Variants in ZNF236 observed in about 807,000 individuals in gnomAD.
ZNF236 encodes the protein regulated by glucose.
A neutral mutation model predicts 191.2 loss-of-function variants in ZNF236; 50 were observed. That is an observed-to-expected ratio of 0.26 (90% CI 0.21 to 0.33). The LOEUF (loss-of-function observed/expected upper bound fraction) is 0.33, where lower values mean the gene tolerates loss of function less well. ZNF236 is among the 10% of genes least tolerant of loss of function. The pLI, the probability that ZNF236 is intolerant of heterozygous loss-of-function variation, is 1.00. For missense variants in ZNF236, 1,754 were observed against 2,374.5 expected (o/e 0.74, Z 5.43); for synonymous variants, 907 against 928.8 (o/e 0.98, Z 0.43).
intron 25 of ZNF236, among the ~76,000 whole-genome samples, chr18:76,933,023 G>T (rs186544139): frequency 3.2e-4 from 48 of 152,354 alleles, no homozygotes; most frequent in Admixed American, 3.1e-3. Context: ...TCACACTCAG[G>T]TGAGGGTCCT....
At chr18:76,855,070 C>T (rs1429659131) in intron 3 of ZNF236, among the ~76,000 whole-genome samples, 2 of 152,026 alleles carry the variant, frequency 1.3e-5, no homozygotes, top group South Asian at 2.1e-4. Context: ...GGATTACAGG[C>T]GCCCCACCAT....
intron 9 of ZNF236, chr18:76,885,243 A>G (rs1347605865): frequency 1.3e-5 from 2 of 152,328 alleles, no homozygotes; most frequent in Non-Finnish European, 2.9e-5. Context: ...GCTGCATCGG[A>G]GATGCACTGT....
At chr18:76,913,706 A>T in intron 17 of ZNF236, 41 bp from the exon 18 acceptor site, 1 of 1,595,258 alleles carries the variant, frequency 6.3e-7, no homozygotes, top group Non-Finnish European at 8.6e-7. Flanking sequence ...TAATTGTGCT[A>T]TGAATTAACG....
intron 27 of ZNF236, among the ~76,000 whole-genome samples, chr18:76,952,786 A>G (rs1300242708): frequency 6.6e-6 from 1 of 152,228 alleles, no homozygotes; most frequent in Non-Finnish European, 1.5e-5. Context: ...AACCTGGGTA[A>G]CAGAGCAAGT....
At chr18:76,905,810 T>C (rs1977725279) in intron 13 of ZNF236, among the ~76,000 whole-genome samples, 1 of 152,226 alleles carries the variant, frequency 6.6e-6, no homozygotes, top group Non-Finnish European at 1.5e-5. Flanking sequence ...ATCTGAATGG[T>C]AATTATTCTA....
intron 4 of ZNF236, among the ~76,000 whole-genome samples, chr18:76,870,431 A>ATGTT (rs2122601049): frequency 6.6e-6 from 1 of 152,284 alleles, no homozygotes; most frequent in African/African-American, 2.4e-5. Context: ...ATGATTGAAG[A>ATGTT]TGTTTAGGTG....
chr18:76,963,637 CA>C lies in ZNF236; in HGVS notation c.5419+2786del, dbSNP rs376158433. On this transcript the variant is annotated intron_variant, in intron 30 of 30. Coordinates refer to ENST00000320610, the MANE Select transcript of ZNF236 (RefSeq NM_001306089.2). ...TTTTCTCTGTCTTGTGGAATAGTGTCAAAAGGATTGGTACCAATTCTCCTTT... is the reference window on the plus strand; with the variant it reads ...TTTTCTCTGTCTTGTGGAATAGTGTCAAAGGATTGGTACCAATTCTCCTTT... Among the ~76,000 whole-genome samples, 764 of 152,238 alleles carry C rather than the reference CA, an allele frequency of 5.0e-3. 6 individuals are homozygous for C. Among genetic ancestry groups the C allele is most frequent in the African/African-American group, 0.017 (717 of 41,546 alleles).
At chr18:76,909,361 T>C (rs552542032) in intron 14 of ZNF236, among the ~76,000 whole-genome samples, 2 of 151,548 alleles carry the variant, frequency 1.3e-5, no homozygotes, top group Admixed American at 1.3e-4. Flanking sequence ...GACCTTGCAG[T>C]GCATACTATT....
intron 9 of ZNF236, among the ~76,000 whole-genome samples, chr18:76,894,212 A>G (rs1977330087): frequency 6.6e-6 from 1 of 152,260 alleles, no homozygotes; most frequent in Admixed American, 6.5e-5. Context: ...AAAATTCCAG[A>G]AATAAACAAT....
At chr18:76,847,855 T>G (rs942206044) in intron 1 of ZNF236, among the ~76,000 whole-genome samples, 4 of 152,212 alleles carry the variant, frequency 2.6e-5, no homozygotes, top group African/African-American at 4.8e-5. Context: ...GGAAGTATGG[T>G]CTTTGAACAG....
rs776594053 is a variant in ZNF236, at chr18:76,875,470, G to C, written c.668-22G>C. Reference sequence around the variant, plus strand: ...CCCATACAATATGGAATTATATTTTGATCATTTTTCTCCCACTCTAGGTGA... The same window carrying C: ...CCCATACAATATGGAATTATATTTTCATCATTTTTCTCCCACTCTAGGTGA... On this transcript the variant is annotated intron_variant, in intron 5 of 30. Transcript: ENST00000320610. The surrounding 1 kb of genome is among the most constrained non-coding windows in gnomAD (Gnocchi z 4.3). The C allele has an allele frequency of 8.8e-6, 13 of 1,480,298 alleles. No homozygotes were observed. The highest frequency in any genetic ancestry group is 1.2e-5 in the Non-Finnish European group (13 of 1,107,436). The allele number at this position is 1,480,298 out of a possible 1,614,324, so 91.7% of individuals were successfully genotyped here. A position where few individuals can be genotyped will look rare whatever the true frequency, so the allele number is the denominator to read the frequency against.
chr18:76,881,749 G>A (rs1976908689), intron 9 of ZNF236, among the ~76,000 whole-genome samples: 1 of 152,098 alleles, frequency 6.6e-6, no homozygotes, highest in East Asian at 1.9e-4. Flanking sequence ...CTGACTCCTC[G>A]CCAGGGCTTG....
At chr18:76,836,702 C>T (rs1022741630) in intron 1 of ZNF236, among the ~76,000 whole-genome samples, 2 of 151,722 alleles carry the variant, frequency 1.3e-5, no homozygotes, top group East Asian at 1.9e-4. Flanking sequence ...CTCAGCCTCC[C>T]GAGTGGCTGG....
chr18:76,913,425 T>G (rs1261624931), intron 17 of ZNF236, among the ~76,000 whole-genome samples: 1 of 152,242 alleles, frequency 6.6e-6, no homozygotes, highest in Non-Finnish European at 1.5e-5. Context: ...ATACATTTTC[T>G]TCCTATTATG....
At chr18:76,899,830 C>A (rs1413636714) in intron 11 of ZNF236, among the ~76,000 whole-genome samples, 5 of 152,144 alleles carry the variant, frequency 3.3e-5, no homozygotes, top group South Asian at 4.1e-4. Flanking sequence ...GCTCCTGAAT[C>A]AAAAATACCA....
At chr18:76,951,318 A>C (rs1968402199) in intron 27 of ZNF236, among the ~76,000 whole-genome samples, 1 of 152,186 alleles carries the variant, frequency 6.6e-6, no homozygotes, top group African/African-American at 2.4e-5. Context: ...TTTACACTGA[A>C]AATCTGTTGT....
At chr18:76,898,773 CTT>C (rs771985192) in intron 10 of ZNF236, among the ~76,000 whole-genome samples, 11 of 152,184 alleles carry the variant, frequency 7.2e-5, no homozygotes, top group Non-Finnish European at 1.5e-4. Context: ...CAATGTAAGA[CTT>C]TGTCCTAAAA....
intron 26 of ZNF236, among the ~76,000 whole-genome samples, chr18:76,946,367 C>T (rs1968263014): frequency 6.6e-6 from 1 of 152,224 alleles, no homozygotes; most frequent in Non-Finnish European, 1.5e-5. Flanking sequence ...AATTAAACCT[C>T]TTTCTTTTGT....
rs763349859 is a variant in ZNF236, at chr18:76,849,645, A to G, written c.175A>G (p.Arg59Gly). Reference protein sequence around the residue: ...PKESQFQRHMRDHERNDKPHR... With the variant: ...PKESQFQRHMGDHERNDKPHR... ...AGAATCCCAGTTTCAACGCCACATG[A>G]GGGATCACGAGCGAAATGACAAGGT... Residue 59 changes from arginine to glycine, a missense_variant, in exon 2 of 31, where the codon AGG (arginine) becomes GGG (glycine). Physicochemically the swap from Arg to Gly is moderately radical, Grantham distance 125. Around this residue, in one of 5 missense-constraint regions of ZNF236, gnomAD observed 336 missense variants for 495.1 expected, o/e 0.68. Transcript: ENST00000320610. The G allele has an allele frequency of 6.3e-6, 10 of 1,593,132 alleles. No homozygotes were observed. Among genetic ancestry groups the G allele is most frequent in the Non-Finnish European group, 8.5e-6 (10 of 1,173,228 alleles).
Sources: allele counts gnomAD v4.1 joint callset (sites outside exome capture counted in the v4.1 genomes callset), GRCh38; gene constraint gnomAD v4.1.1; regional missense constraint gnomAD v4.1.1; non-coding constraint Gnocchi (gnomAD v3.1); transcripts MANE v1.5; gene names NCBI Gene and HGNC (gene_info 2026-07-23, HGNC 2026-07-21).